Variants in CXCR5 observed in about 807,000 individuals in gnomAD.
CXCR5 encodes C-X-C chemokine receptor type 5.
In CXCR5, 3 loss-of-function variants were observed where a neutral mutation model predicts 5.6. That is an observed-to-expected ratio of 0.54 (90% CI 0.24 to 1.39). CXCR5 has a LOEUF of 1.39. CXCR5 is among the 40% of genes most tolerant of loss of function. CXCR5 has a pLI of 0.16. For missense variants in CXCR5, 333 were observed against 494.6 expected (o/e 0.67, Z 3.10); for synonymous variants, 218 against 219.9 (o/e 0.99, Z 0.08).
At chr11:118,889,219 T>C (rs934406871) in intron 1 of CXCR5, among the ~76,000 whole-genome samples, 1 of 152,332 alleles carries the variant, frequency 6.6e-6, no homozygotes, top group African/African-American at 2.4e-5. Flanking sequence ...ATTCTGGTCA[T>C]TGTGTTTCTT....
Position 118,894,768 on chromosome 11 carries a change from G to A in CXCR5, c.*105G>A. Reference sequence around the variant, plus strand: ...TCCTAAGGGCTCACCGTGGCTAAGAGTGTCCTAGGAGTATCCTCATTTGGG... The same window carrying A: ...TCCTAAGGGCTCACCGTGGCTAAGAATGTCCTAGGAGTATCCTCATTTGGG... On this transcript the variant is annotated 3_prime_UTR_variant, in exon 2 of 2. Transcript: ENST00000292174. This position sits in a 1 kb window ranked among gnomAD's most constrained non-coding sequence, Gnocchi z 6.1. The A allele has an allele frequency of 8.3e-7, 1 of 1,200,782 alleles. No individual in the cohort carries two copies. Among genetic ancestry groups the A allele is most frequent in the Non-Finnish European group, 1.1e-6 (1 of 880,744 alleles). 74.4% of individuals were successfully genotyped at this position (1,200,782 alleles called of 1,614,324 possible).
At chr11:118,885,223 C>T (rs1208711852) in intron 1 of CXCR5, among the ~76,000 whole-genome samples, 1 of 152,154 alleles carries the variant, frequency 6.6e-6, no homozygotes, top group African/African-American at 2.4e-5. Context: ...AAAGCCTGGC[C>T]CCTCGGATCC....
chr11:118,891,556 T>C lies in CXCR5; in HGVS notation c.52-2040T>C, dbSNP rs544128128. On this transcript the variant is annotated intron_variant, in intron 1 of 1. Transcript: ENST00000292174. The stretch of plus-strand genomic sequence containing the variant: ...TGATCACAAATATGACTTTTTCTTA[T>C]AGCTGACTTTGCTATTAAATGTGAA... Among the ~76,000 whole-genome samples the C allele has an allele frequency of 7.9e-5, 12 of 152,256 alleles. No individual in the cohort carries two copies. The South Asian group carries it at 2.1e-3, about 26-fold the overall frequency.
At chr11:118,886,688 G>A (rs1939719616) in intron 1 of CXCR5, 1 of 282,016 alleles carries the variant, frequency 3.5e-6, no homozygotes, top group Non-Finnish European at 6.9e-6. Flanking sequence ...AACAGAACCA[G>A]GGCCTGGGCT....
At chr11:118,886,142 A>C (rs903571268) in intron 1 of CXCR5, 3 of 340,624 alleles carry the variant, frequency 8.8e-6, no homozygotes, top group African/African-American at 6.6e-5. Flanking sequence ...GCTTCTCAAT[A>C]AGTATTTATT....
At chr11:118,885,917 G>A (rs1029124037) in intron 1 of CXCR5, 1 of 174,918 alleles carries the variant, frequency 5.7e-6, no homozygotes, top group East Asian at 1.7e-4. Context: ...CTGGGCTCTG[G>A]AGCTCTTCAG....
chr11:118,887,449 A>G, intron 1 of CXCR5: 2 of 985,348 alleles, frequency 2.0e-6, no homozygotes, highest in Non-Finnish European at 2.4e-6. Flanking sequence ...AAGCCTAAAG[A>G]CTTGCTGCAG....
intron 1 of CXCR5, among the ~76,000 whole-genome samples, chr11:118,888,766 A>G (rs1252432028): frequency 1.3e-5 from 2 of 152,166 alleles, no homozygotes; most frequent in East Asian, 1.9e-4. Context: ...GGTTGGACCC[A>G]TGGTTCCAGC....
At chr11:118,890,653 G>T (rs1278654938) in intron 1 of CXCR5, among the ~76,000 whole-genome samples, 1 of 152,176 alleles carries the variant, frequency 6.6e-6, no homozygotes, top group Non-Finnish European at 1.5e-5. Context: ...AAGTTTGAAA[G>T]GTCAGAGGAA....
intron 1 of CXCR5, among the ~76,000 whole-genome samples, chr11:118,885,360 C>G (rs1226136063): frequency 6.6e-6 from 1 of 152,220 alleles, no homozygotes; most frequent in Admixed American, 6.5e-5. Context: ...AAGAAGGCAA[C>G]AGCAGAGCAC....
rs1181729082 is a variant in CXCR5 at position 118,893,572 on chromosome 11, C to T, written c.52-24C>T. Reference sequence around the variant, plus strand: ...GAAAGACAGGTCCTTAGGTCCTCACCCTCCCGTCTCCTTGCCCTTGCAGTT... The same window carrying T: ...GAAAGACAGGTCCTTAGGTCCTCACTCTCCCGTCTCCTTGCCCTTGCAGTT... On this transcript the variant is annotated intron_variant, in intron 1 of 1. Coordinates refer to ENST00000292174, the MANE Select transcript of CXCR5 (RefSeq NM_001716.5). This position sits in a 1 kb window ranked among gnomAD's most constrained non-coding sequence, Gnocchi z 5.7. The T allele has an allele frequency of 6.5e-6, 10 of 1,546,802 alleles. No homozygotes were observed. In the African/African-American group the frequency reaches 1.2e-4, roughly 19 times the overall value.
intron 1 of CXCR5, chr11:118,887,506 A>G: frequency 1.1e-6 from 1 of 894,094 alleles, no homozygotes; most frequent in Non-Finnish European, 1.3e-6. Flanking sequence ...CATCCAGCAC[A>G]GTACCTGCTT....
chr11:118,886,446 C>T (rs1252524423), intron 1 of CXCR5: 2 of 421,990 alleles, frequency 4.7e-6, no homozygotes, highest in Non-Finnish European at 9.2e-6. Flanking sequence ...CAACTCGAGC[C>T]GCTTAAAATG....
At chr11:118,884,206 C>T (rs891029276) in intron 1 of CXCR5, among the ~76,000 whole-genome samples, 3 of 152,128 alleles carry the variant, frequency 2.0e-5, no homozygotes, top group Non-Finnish European at 2.9e-5. Flanking sequence ...TAGGAGACAT[C>T]CTTTAGAGGA....
chr11:118,892,764 CCTT>C (rs1221045258), intron 1 of CXCR5, among the ~76,000 whole-genome samples: 2 of 152,080 alleles, frequency 1.3e-5, no homozygotes, highest in Admixed American at 6.5e-5. Context: ...CAGGCTCTCT[CCTT>C]CTCTCCTGCC....
Position 118,893,650 on chromosome 11 carries a change from C to A in CXCR5, c.106C>A (p.His36Asn). ...NYNDTSLVENHLCPATEGPLM... is the reference protein window; with the variant it reads ...NYNDTSLVENNLCPATEGPLM... ...TAACGACACCTCCCTGGTGGAAAAT[C>A]ATCTCTGCCCTGCCACAGAGGGGCC... Residue 36 changes from histidine (H) to asparagine (N), a missense_variant, in exon 2 of 2, where the codon CAT (histidine) becomes AAT (asparagine). Coordinates refer to ENST00000292174, the MANE Select transcript of CXCR5 (RefSeq NM_001716.5). The surrounding 1 kb of genome is among the most constrained non-coding windows in gnomAD (Gnocchi z 5.7). 1.3e-5 allele frequency: 21 copies of A among 1,611,604 alleles called. No homozygotes were observed. The highest frequency in any genetic ancestry group is 4.5e-5 in the East Asian group (2 of 44,804).
rs536417482 is a variant in CXCR5 at position 118,891,681 on chromosome 11, C to T, written c.52-1915C>T. ...GTCAGGAGTTTGAGACCAGCCTGGCCAACATGGTGAAACCTTGTCTCTACT... is the reference window on the plus strand; with the variant it reads ...GTCAGGAGTTTGAGACCAGCCTGGCTAACATGGTGAAACCTTGTCTCTACT... On this transcript the variant is annotated intron_variant, in intron 1 of 1. Coordinates refer to ENST00000292174, the MANE Select transcript of CXCR5 (RefSeq NM_001716.5). Among the ~76,000 whole-genome samples the T allele has an allele frequency of 7.9e-5, 12 of 152,004 alleles. No homozygotes were observed. In the East Asian group the frequency reaches 2.1e-3, roughly 27 times the overall value.
In CXCR5 at chr11:118,894,385, C is replaced by G. The variant is rs770441359; in HGVS notation, c.841C>G (p.Leu281Val). 1 of 1,614,222 alleles carries G rather than the reference C, an allele frequency of 6.2e-7. No individual in the cohort carries two copies. The highest frequency in any genetic ancestry group is 8.5e-7 in the Non-Finnish European group (1 of 1,180,032). ...CWSPYHIVIFLDTLARLKAVD... is the reference protein window; with the variant it reads ...CWSPYHIVIFVDTLARLKAVD... ...GTCACCCTACCACATCGTCATCTTC[C>G]TGGACACCCTGGCGAGGCTGAAGGC... is the stretch of plus-strand genomic sequence containing the variant. The change falls in exon 2 of 2, where the codon CTG becomes GTG. Residue 281 changes from leucine (L) to valine (V), a missense_variant. By Grantham distance (32) the Leu-to-Val change is conservative. Transcript: ENST00000292174. The surrounding 1 kb of genome is among the most constrained non-coding windows in gnomAD (Gnocchi z 6.1).
rs1405509832 is a variant in CXCR5 at position 118,883,984 on chromosome 11, G to A, written c.43G>A (p.Glu15Lys). The change falls in exon 1 of 2, where the codon GAG (glutamate) becomes AAG (lysine). Residue 15 changes from glutamate (E) to lysine (K), a missense_variant. Glu to Lys is a moderately conservative substitution (Grantham distance 56). Transcript: ENST00000292174. ...GCTGGAAATGGACCTCGAGAACCTGGAGGACCTGGTGAGTAGACACGGGTA... is the reference window on the plus strand; with the variant it reads ...GCTGGAAATGGACCTCGAGAACCTGAAGGACCTGGTGAGTAGACACGGGTA... ...LTLEMDLENL[E>K]DLFWELDRLD... The A allele has an allele frequency of 6.2e-7, 1 of 1,612,816 alleles. No individual in the cohort carries two copies. The highest frequency in any genetic ancestry group is 1.1e-5 in the South Asian group (1 of 90,782).
Sources: allele counts gnomAD v4.1 joint callset (sites outside exome capture counted in the v4.1 genomes callset), GRCh38; gene constraint gnomAD v4.1.1; non-coding constraint Gnocchi (gnomAD v3.1); transcripts MANE v1.5; gene names NCBI Gene and HGNC (gene_info 2026-07-23, HGNC 2026-07-21).